The following GABRB1 variants were observed in gnomAD, a reference collection of about 807,000 sequenced individuals.
GABRB1 encodes gamma-aminobutyric acid type A receptor subunit beta1, also known as gamma-aminobutyric acid receptor subunit beta-1.
GABRB1 carries 17 observed loss-of-function variants against 51.6 expected under a neutral mutation model. That is an observed-to-expected ratio of 0.33 (90% CI 0.23 to 0.49). The LOEUF is 0.49. GABRB1 is among the 20% of genes least tolerant of loss of function. The pLI is 0.99. For missense variants in GABRB1, 410 were observed against 600.6 expected (o/e 0.68, Z 3.32); for synonymous variants, 247 against 218.9 (o/e 1.13, Z -1.14).
chr4:47,367,827 A>C (rs1010134886), intron 5 of GABRB1, among the ~76,000 whole-genome samples: 1 of 152,230 alleles, frequency 6.6e-6, no homozygotes, highest in South Asian at 2.1e-4. Context: ...GCTCTGCTCC[A>C]AAAGGATGTA....
chr4:47,326,515 A>T (rs552174465), intron 5 of GABRB1, among the ~76,000 whole-genome samples: 1 of 152,294 alleles, frequency 6.6e-6, no homozygotes, highest in Admixed American at 6.5e-5. Context: ...CTTTATCATA[A>T]ATATGTACAT....
intron 4 of GABRB1, among the ~76,000 whole-genome samples, chr4:47,243,648 A>G (rs1721622610): frequency 6.6e-6 from 1 of 152,212 alleles, no homozygotes; most frequent in African/African-American, 2.4e-5. Flanking sequence ...TCTTTGAAGC[A>G]GTTGTGAATG....
intron 3 of GABRB1, among the ~76,000 whole-genome samples, chr4:47,100,374 T>A (rs905592726): frequency 1.3e-5 from 2 of 152,034 alleles, no homozygotes; most frequent in African/African-American, 4.8e-5. Flanking sequence ...GAGAAAGAAG[T>A]CAAGAAAGCT....
intron 3 of GABRB1, among the ~76,000 whole-genome samples, chr4:47,124,670 C>A (rs1280935757): frequency 2.0e-5 from 3 of 151,940 alleles, no homozygotes; most frequent in Non-Finnish European, 2.9e-5. Flanking sequence ...ATAGAAATTG[C>A]AGAAAAGAAC....
chr4:47,309,367 T>A (rs1456119350), intron 4 of GABRB1, among the ~76,000 whole-genome samples: 1 of 152,042 alleles, frequency 6.6e-6, no homozygotes, highest in African/African-American at 2.4e-5. Context: ...TGAATAATAA[T>A]GGGCCCATTT....
intron 4 of GABRB1, among the ~76,000 whole-genome samples, chr4:47,196,816 T>C (rs1212671902): frequency 6.6e-6 from 1 of 152,238 alleles, no homozygotes; most frequent in Non-Finnish European, 1.5e-5. Flanking sequence ...AGAAATATGC[T>C]TTCAGTAGTA....
chr4:47,398,871 A>G (rs1728281196), intron 5 of GABRB1, among the ~76,000 whole-genome samples: 1 of 151,960 alleles, frequency 6.6e-6, no homozygotes. Flanking sequence ...GCTCACTGCA[A>G]GCTCCGCCTC....
chr4:47,420,307 A>T (rs1729053607), intron 8 of GABRB1, among the ~76,000 whole-genome samples: 1 of 152,126 alleles, frequency 6.6e-6, no homozygotes, highest in Non-Finnish European at 1.5e-5. Flanking sequence ...GAGAGGGGAG[A>T]AGGAGAAAAG....
chr4:47,268,213 T>C (rs1722715986), intron 4 of GABRB1, among the ~76,000 whole-genome samples: 1 of 152,224 alleles, frequency 6.6e-6, no homozygotes, highest in Non-Finnish European at 1.5e-5. Flanking sequence ...TCCATTTATA[T>C]ACTTTCTTAC....
chr4:47,264,049 G>A (rs2109883413), intron 4 of GABRB1, among the ~76,000 whole-genome samples: 1 of 152,168 alleles, frequency 6.6e-6, no homozygotes, highest in South Asian at 2.1e-4. Context: ...GGCAGAGCTG[G>A]GAGGATCACT....
At chr4:47,168,088 A>G (rs1186567670) in intron 4 of GABRB1, among the ~76,000 whole-genome samples, 1 of 152,206 alleles carries the variant, frequency 6.6e-6, no homozygotes, top group Admixed American at 6.6e-5. Context: ...ATGTACATAC[A>G]GTATCATTTT....
intron 4 of GABRB1, among the ~76,000 whole-genome samples, chr4:47,217,835 T>G (rs958282452): frequency 6.6e-6 from 1 of 151,784 alleles, no homozygotes; most frequent in African/African-American, 2.4e-5. Context: ...TTCTTTTTGC[T>G]GGAAACACAA....
intron 4 of GABRB1, among the ~76,000 whole-genome samples, chr4:47,239,589 C>T (rs568545792): frequency 6.6e-6 from 1 of 152,302 alleles, no homozygotes; most frequent in African/African-American, 2.4e-5. Flanking sequence ...TTTGCAACTG[C>T]TACGAGAAAC....
chr4:47,049,871 G>C (rs1045114908), intron 3 of GABRB1, among the ~76,000 whole-genome samples: 4 of 152,148 alleles, frequency 2.6e-5, no homozygotes, highest in Admixed American at 2.6e-4. Flanking sequence ...AAAACGCAGA[G>C]GTAGGCTGTT....
At chr4:47,205,991 T>C (rs762648309) in intron 4 of GABRB1, among the ~76,000 whole-genome samples, 40 of 151,976 alleles carry the variant, frequency 2.6e-4, no homozygotes, top group Non-Finnish European at 5.2e-4. Context: ...CAGGTTTAAC[T>C]ACAAAAGAAC....
intron 3 of GABRB1, among the ~76,000 whole-genome samples, chr4:47,075,996 A>G (rs1400093415): frequency 6.6e-6 from 1 of 152,122 alleles, no homozygotes; most frequent in Non-Finnish European, 1.5e-5. Flanking sequence ...GATTTCTGTA[A>G]TCCTTGTGCA....
intron 1 of GABRB1, among the ~76,000 whole-genome samples, chr4:47,003,787 C>CT (rs1724299290): frequency 6.6e-6 from 1 of 152,162 alleles, no homozygotes; most frequent in African/African-American, 2.4e-5. Context: ...GGCGTTTATT[C>CT]TGCTGATTTA....
In GABRB1 at chr4:47,153,169, A is replaced by C. The variant is rs1411802006; in HGVS notation, c.241-8080A>C. 5.3e-5 allele frequency among the ~76,000 whole-genome samples: 8 copies of C among 152,068 alleles called. No homozygotes were observed. The East Asian group carries it at 1.5e-3, about 29-fold the overall frequency. ...CTATGAGTTCCTTGAGGCAGAGAAC[A>C]TATACCAGTCAGCCTTTATGTCTCA... On this transcript the variant is annotated intron_variant, in intron 3 of 8. Transcript: ENST00000295454.
intron 4 of GABRB1, among the ~76,000 whole-genome samples, chr4:47,312,248 A>G (rs1336395624): frequency 6.6e-6 from 1 of 152,114 alleles, no homozygotes; most frequent in East Asian, 1.9e-4. Context: ...AAATCTCACA[A>G]AACAGTTTAT....
Sources: allele counts gnomAD v4.1 joint callset (sites outside exome capture counted in the v4.1 genomes callset), GRCh38; gene constraint gnomAD v4.1.1; transcripts MANE v1.5; gene names NCBI Gene and HGNC (gene_info 2026-07-23, HGNC 2026-07-21).